The following CHEK2 variants were observed in gnomAD, a reference collection of about 807,000 sequenced individuals.
CHEK2 encodes the protein checkpoint kinase 2.
CHEK2 carries 71 observed loss-of-function variants against 69.1 expected under a neutral mutation model. The observed-to-expected ratio is 1.03, with a 90% CI of 0.85 to 1.25. CHEK2 has a LOEUF of 1.25. CHEK2 is among the 50% of genes most tolerant of loss of function. The probability of loss-of-function intolerance (pLI) is 0.00; values close to 1 mark genes in which losing one functional copy is unlikely to be tolerated. For missense variants in CHEK2, 664 were observed against 649.6 expected (o/e 1.02, Z -0.24); for synonymous variants, 189 against 226.9 (o/e 0.83, Z 1.50).
chr22:28,725,052 C>T lies in CHEK2; in HGVS notation c.517G>A (p.Glu173Lys), dbSNP rs876659804. Residue 173 changes from glutamate to lysine, a missense_variant, in exon 4 of 15, where the codon GAG (glutamate) becomes AAG (lysine). Transcript: ENST00000404276. The part of the protein sequence containing the change: ...HSGNGTFVNT[E>K]LVGKGKRRPL... ...CGGCGTTTTCCTTTCCCTACAAGCT[C>T]TGTATTTACAAAGGTTCCATTGCCA... 1 of 1,614,042 alleles carries T rather than the reference C, an allele frequency of 6.2e-7. No individual in the cohort carries two copies.
At chr22:28,701,952 C>CT (rs1364194861) in intron 8 of CHEK2, among the ~76,000 whole-genome samples, 1 of 103,568 alleles carries the variant, frequency 9.7e-6, no homozygotes, top group East Asian at 3.4e-4. Context: ...ATCCCATATA[C>CT]TATTTTTTTT....
At chr22:28,713,610 C>A (rs1305470776) in intron 5 of CHEK2, among the ~76,000 whole-genome samples, 3 of 152,112 alleles carry the variant, frequency 2.0e-5, no homozygotes, top group Non-Finnish European at 2.9e-5. Context: ...CCCATCTCGG[C>A]CTCCCAAAGT....
intron 5 of CHEK2, 94 bp from the exon 6 acceptor site, chr22:28,712,111 C>T: frequency 1.1e-6 from 1 of 887,594 alleles, no homozygotes; most frequent in Middle Eastern, 2.1e-4. Flanking sequence ...AATTTACAGA[C>T]ATTCCATATA....
intron 5 of CHEK2, among the ~76,000 whole-genome samples, chr22:28,714,354 T>C (rs758985254): frequency 3.9e-5 from 6 of 152,146 alleles, no homozygotes; most frequent in Non-Finnish European, 5.9e-5. Context: ...TTTTGGCCAT[T>C]GTATGTGTTC....
At chr22:28,694,222 G>C in intron 12 of CHEK2, 105 bp from the exon 13 acceptor site, 2 of 802,286 alleles carry the variant, frequency 2.5e-6, no homozygotes, top group Non-Finnish European at 4.3e-6. Context: ...GAGAGGGTCT[G>C]AGATCATCAC....
chr22:28,724,610 A>C, intron 4 of CHEK2: 1 of 304,426 alleles, frequency 3.3e-6, no homozygotes, highest in African/African-American at 2.2e-5. Flanking sequence ...CTTGTTGCCC[A>C]GGCTAGAGTG....
intron 1 of CHEK2, 108 bp from the exon 2 acceptor site, chr22:28,734,835 A>AG (rs1484766356): frequency 2.5e-5 from 23 of 902,910 alleles, no homozygotes; most frequent in Non-Finnish European, 3.9e-5. Context: ...GAAAAAAAAA[A>AG]AAACAGGGCA....
intron 10 of CHEK2, 125 bp downstream of exon 10, chr22:28,696,776 T>C (rs2052600995): frequency 1.4e-6 from 1 of 703,754 alleles, no homozygotes; most frequent in Admixed American, 2.0e-5. Context: ...ATCTCTAAAA[T>C]AATTGGTAAC....
intron 13 of CHEK2, among the ~76,000 whole-genome samples, chr22:28,689,691 A>G (rs1370351133): frequency 6.6e-6 from 1 of 152,172 alleles, no homozygotes; most frequent in Admixed American, 6.5e-5. Context: ...ATGCCATACA[A>G]ATTTTCAGAA....
intron 5 of CHEK2, chr22:28,712,364 C>T (rs1280326635): frequency 9.5e-6 from 3 of 314,176 alleles, no homozygotes; most frequent in Non-Finnish European, 1.8e-5. Flanking sequence ...AACAGTCCTC[C>T]CTGGTCAAAA....
chr22:28,693,422 C>T (rs1408862272), intron 13 of CHEK2, among the ~76,000 whole-genome samples: 1 of 152,170 alleles, frequency 6.6e-6, no homozygotes, highest in Non-Finnish European at 1.5e-5. Flanking sequence ...TGAGAAATAG[C>T]TGGATTCTCC....
intron 6 of CHEK2, 116 bp from the exon 7 acceptor site, chr22:28,710,175 C>T: frequency 1.5e-6 from 1 of 661,950 alleles, no homozygotes; most frequent in African/African-American, 1.8e-5. Context: ...CCCAGCTCTA[C>T]TTATACAAAG....
rs1483241325 is a variant in CHEK2 at position 28,695,125 on chromosome 22, A to T, written c.1375+2T>A. 6.3e-7 allele frequency: 1 copy of T among 1,584,752 alleles called. No individual in the cohort carries two copies. Among genetic ancestry groups the T allele is most frequent in the East Asian group, 2.2e-5 (1 of 44,708 alleles). On this transcript the variant is annotated splice_donor_variant, in intron 12 of 14. Coordinates refer to ENST00000404276, the MANE Select transcript of CHEK2 (RefSeq NM_007194.4). LOFTEE classifies it high-confidence loss of function. The stretch of plus-strand genomic sequence containing the variant: ...AAATTCTTAACCCTTTCATATTCAT[A>T]CCTTTCTCTGAGACTTCTGCCCAGA...
At chr22:28,734,825 G>GAA (rs201340887) in intron 1 of CHEK2, 98 bp from the exon 2 acceptor site, 12,841 of 653,632 alleles carry the variant, frequency 0.02, 3 homozygotes, top group Non-Finnish European at 0.021. Flanking sequence ...CAAAAGAAAA[G>GAA]AAAAAAAAAA....
chr22:28,729,540 C>CAAAAAAAA (rs58149342), intron 2 of CHEK2, among the ~76,000 whole-genome samples: 35 of 83,068 alleles, frequency 4.2e-4, no homozygotes, highest in South Asian at 1.3e-3. Context: ...GACTCCATCT[C>CAAAAAAAA]AAAAAAAAAA....
chr22:28,695,310 G>A lies in CHEK2; in HGVS notation c.1260-68C>T. ...ATTCTCAGTGGCATTCAGATATAAA[G>A]ATTTCTTTTTCAGCATAATGAAAAG... On this transcript the variant is annotated intron_variant, in intron 11 of 14. Transcript: ENST00000404276. 6.8e-6 allele frequency: 6 copies of A among 884,500 alleles called. No homozygotes were observed. In the South Asian group the frequency reaches 8.3e-5, roughly 12 times the overall value. 54.8% of individuals were successfully genotyped at this position (884,500 alleles called of 1,614,324 possible). A position where few individuals can be genotyped will look rare whatever the true frequency, so the allele number is the denominator to read the frequency against.
At chr22:28,724,851 C>G in intron 4 of CHEK2, 126 bp downstream of exon 4, 2 of 1,015,960 alleles carry the variant, frequency 2.0e-6, no homozygotes, top group South Asian at 2.7e-5. Flanking sequence ...CAGGTGTGAG[C>G]CACCACGCCC....
chr22:28,699,972 T>C, intron 8 of CHEK2, 35 bp from the exon 9 acceptor site: 1 of 1,477,464 alleles, frequency 6.8e-7, no homozygotes. Flanking sequence ...GGTTCATTCC[T>C]GGGGGAAAAC....
Position 28,711,941 on chromosome 22 carries a change from T to G in CHEK2, c.760A>C (p.Arg254=), listed in dbSNP as rs1395878179. 1 of 1,613,728 alleles carries G rather than the reference T, an allele frequency of 6.2e-7. No homozygotes were observed. The highest frequency in any genetic ancestry group is 8.5e-7 in the Non-Finnish European group (1 of 1,179,834). ...KKVAIKIISK[R]KFAIGSAREA... is the part of the protein sequence containing the mutation. The stretch of plus-strand genomic sequence containing the variant: ...CTTGCTGAACCAATAGCAAACTTCC[T>G]TTTGCTGATGATCTTTATGGCTACT... Residue 254 remains arginine, a synonymous_variant, in exon 6 of 15, where the codon AGG becomes CGG. Transcript: ENST00000404276.
Sources: gnomAD v4.1 joint callset for allele counts (sites outside exome capture counted in the v4.1 genomes callset) on GRCh38, gnomAD v4.1.1 for gene constraint, MANE v1.5 for transcripts, NCBI Gene and HGNC (gene_info 2026-07-23, HGNC 2026-07-21) for gene names.